Variants in PCDH9 observed in about 807,000 individuals in gnomAD.
PCDH9 encodes the protein protocadherin 9.
A neutral mutation model predicts 70.6 loss-of-function variants in PCDH9; 24 were observed. The observed-to-expected ratio is 0.34, with a 90% CI of 0.25 to 0.48. PCDH9 has a LOEUF of 0.48. PCDH9 is among the 20% of genes least tolerant of loss of function. The probability of loss-of-function intolerance (pLI) is 0.99; values close to 1 mark genes in which losing one functional copy is unlikely to be tolerated. For synonymous variants in PCDH9, 562 were observed against 558.5 expected, an observed-to-expected ratio of 1.01 and a Z score of -0.09; for missense variants, 1,281 against 1,503.6, an observed-to-expected ratio of 0.85 and a Z score of 2.45.
At chr13:66,686,494 T>C (rs1593893654) in intron 3 of PCDH9, among the ~76,000 whole-genome samples, 1 of 152,180 alleles carries the variant, frequency 6.6e-6, no homozygotes, top group Non-Finnish European at 1.5e-5. Flanking sequence ...TCATCTAAGA[T>C]AGTCAAACTG....
chr13:67,051,650 CA>C (rs948046527), intron 2 of PCDH9, among the ~76,000 whole-genome samples: 1 of 151,950 alleles, frequency 6.6e-6, no homozygotes, highest in Non-Finnish European at 1.5e-5. Context: ...CCCAGCCTCC[CA>C]AAGTGCTGGA....
rs1566514288 is a variant in PCDH9 at position 66,700,923 on chromosome 13, A to ATAT, written c.3139-69513_3139-69512insATA. Among the ~76,000 whole-genome samples the ATAT allele has an allele frequency of 8.9e-4, 52 of 58,448 alleles. 9 individuals are homozygous for ATAT. The highest frequency in any genetic ancestry group is 2.6e-3 in the South Asian group (4 of 1,548). The allele number at this position is 58,448 out of a possible 152,430, so 38.3% of individuals were successfully genotyped here. The stretch of plus-strand genomic sequence containing the variant: ...ATGAAAATATATGTGTGTACATATA[A>ATAT]ATATATATATATATATATATATATA... On this transcript the variant is annotated intron_variant, in intron 3 of 4. Transcript: ENST00000377865.
At chr13:66,685,309 G>C (rs184293909) in intron 3 of PCDH9, among the ~76,000 whole-genome samples, 1 of 152,236 alleles carries the variant, frequency 6.6e-6, no homozygotes, top group South Asian at 2.1e-4. Context: ...TCATATCATT[G>C]CTTCAGAGGG....
chr13:66,487,307 G>T (rs146087185), intron 4 of PCDH9, among the ~76,000 whole-genome samples: 2,068 of 152,220 alleles, frequency 0.014, 29 homozygotes, highest in Non-Finnish European at 0.021. Context: ...TAGGTGACAT[G>T]CAATAATTCC....
At position 67,227,160 on chromosome 13, in the gene PCDH9, C is replaced by A; in HGVS notation, c.1281G>T (p.Leu427Phe). The A allele has an allele frequency of 3.1e-6, 5 of 1,613,570 alleles. No individual in the cohort carries two copies. Among genetic ancestry groups the A allele is most frequent in the Non-Finnish European group, 4.2e-6 (5 of 1,179,528 alleles). Reference protein sequence around the residue: ...NQYLLETSSLLDYEGTKEFSF... With the variant: ...NQYLLETSSLFDYEGTKEFSF... ...TGAATTCTTTGGTGCCCTCATAGTC[C>A]AACAAAGAAGAGGTCTCTAACAAAT... Residue 427 changes from leucine to phenylalanine, a missense_variant, in exon 2 of 5, where the codon TTG (leucine) becomes TTT (phenylalanine). Coordinates refer to ENST00000377865, the MANE Select transcript of PCDH9 (RefSeq NM_203487.3). This position sits in a 1 kb window ranked among gnomAD's most constrained non-coding sequence, Gnocchi z 4.6.
chr13:67,063,062 T>G (rs993852923), intron 2 of PCDH9, among the ~76,000 whole-genome samples: 1 of 152,184 alleles, frequency 6.6e-6, no homozygotes, highest in African/African-American at 2.4e-5. Flanking sequence ...AGATTCTTAA[T>G]GGTTTAAAGC....
chr13:66,808,377 A>T (rs1220813828), intron 3 of PCDH9, among the ~76,000 whole-genome samples: 2 of 152,200 alleles, frequency 1.3e-5, no homozygotes, highest in Admixed American at 1.3e-4. Context: ...ATAAAAAAAG[A>T]TATAGGCAAT....
rs556323077 is a variant in PCDH9 at position 66,788,873 on chromosome 13, A to G, written c.3138+114631T>C. 3.6e-4 allele frequency among the ~76,000 whole-genome samples: 55 copies of G among 152,146 alleles called. 1 individual carries two copies. The highest frequency in any genetic ancestry group is 2.3e-3 in the South Asian group (11 of 4,828). The stretch of plus-strand genomic sequence containing the variant: ...ACAGGACTCAGGCACAATTTCCTAG[A>G]GATAAGACTTCCAGTCTGACTAGCA... On this transcript the variant is annotated intron_variant, in intron 3 of 4. Coordinates refer to ENST00000377865, the MANE Select transcript of PCDH9 (RefSeq NM_203487.3).
intron 4 of PCDH9, among the ~76,000 whole-genome samples, chr13:66,359,719 T>A (rs1263991068): frequency 6.6e-6 from 1 of 152,030 alleles, no homozygotes; most frequent in Admixed American, 6.6e-5. Flanking sequence ...GAGTTGAAGG[T>A]GTCAGAACAG....
chr13:66,442,712 GATA>G (rs1957997839), intron 4 of PCDH9, among the ~76,000 whole-genome samples: 1 of 151,912 alleles, frequency 6.6e-6, no homozygotes, highest in East Asian at 1.9e-4. Flanking sequence ...GAACTTTAGC[GATA>G]ATATTATGGG....
At chr13:66,620,731 T>C (rs1278540088) in intron 4 of PCDH9, among the ~76,000 whole-genome samples, 1 of 152,166 alleles carries the variant, frequency 6.6e-6, no homozygotes, top group Non-Finnish European at 1.5e-5. Context: ...TTATAAAATC[T>C]TCATAGCATC....
chr13:67,172,864 C>T (rs1042858105), intron 2 of PCDH9, among the ~76,000 whole-genome samples: 6 of 105,968 alleles, frequency 5.7e-5, no homozygotes, highest in Non-Finnish European at 1.1e-4. Context: ...GGAGACAGAG[C>T]GAGACTCCAT....
intron 2 of PCDH9, among the ~76,000 whole-genome samples, chr13:67,052,132 AT>A (rs1006593868): frequency 1.6e-4 from 24 of 152,242 alleles, no homozygotes; most frequent in African/African-American, 5.1e-4. Flanking sequence ...TATTTCTAAA[AT>A]AATTATTTGG....
intron 3 of PCDH9, among the ~76,000 whole-genome samples, chr13:66,897,620 GT>G (rs1415793661): frequency 6.6e-6 from 1 of 152,020 alleles, no homozygotes; most frequent in Non-Finnish European, 1.5e-5. Flanking sequence ...CAACATTCAT[GT>G]TTCTAGAAAA....
chr13:66,391,738 G>C (rs1365755819), intron 4 of PCDH9, among the ~76,000 whole-genome samples: 4 of 151,786 alleles, frequency 2.6e-5, no homozygotes. Context: ...CAGTTTAAAG[G>C]GCTCAGTTTA....
At chr13:67,022,106 CTTTTTT>C (rs71110623) in intron 2 of PCDH9, among the ~76,000 whole-genome samples, 1 of 35,408 alleles carries the variant, frequency 2.8e-5, no homozygotes, top group African/African-American at 1.3e-4. Context: ...AGGTGATGTT[CTTTTTT>C]TTTTTTTTTT....
chr13:66,898,146 A>C (rs1017973262), intron 3 of PCDH9, among the ~76,000 whole-genome samples: 1 of 152,046 alleles, frequency 6.6e-6, no homozygotes, highest in African/African-American at 2.4e-5. Flanking sequence ...ACAGTGACTG[A>C]GATGTAAAAT....
intron 2 of PCDH9, among the ~76,000 whole-genome samples, chr13:67,015,092 T>A (rs998438795): frequency 3.3e-5 from 5 of 152,146 alleles, no homozygotes; most frequent in Non-Finnish European, 5.9e-5. Flanking sequence ...GATTTTCTTC[T>A]AAAACATACA....
intron 4 of PCDH9, among the ~76,000 whole-genome samples, chr13:66,443,028 C>T (rs902989959): frequency 2.6e-5 from 4 of 152,140 alleles, no homozygotes; most frequent in Non-Finnish European, 5.9e-5. Flanking sequence ...GGCACAAGTG[C>T]CAATTGAAGC....
Sources: allele counts gnomAD v4.1 joint callset (sites outside exome capture counted in the v4.1 genomes callset), GRCh38; gene constraint gnomAD v4.1.1; non-coding constraint Gnocchi (gnomAD v3.1); transcripts MANE v1.5; gene names NCBI Gene and HGNC (gene_info 2026-07-23, HGNC 2026-07-21).